The following CLEC4C variants were observed in gnomAD, a reference collection of about 807,000 sequenced individuals.
The protein encoded by CLEC4C is C-type (calcium dependent, carbohydrate-recognition domain) lectin, superfamily member 11.
CLEC4C carries 17 observed loss-of-function variants against 27.7 expected under a neutral mutation model. That is an observed-to-expected ratio of 0.61 (90% CI 0.42 to 0.92). The LOEUF (loss-of-function observed/expected upper bound fraction) is 0.92, where lower values mean the gene tolerates loss of function less well. Among genes scored for constraint, CLEC4C ranks in the 40% least tolerant of loss-of-function variants. The pLI, the probability that CLEC4C is intolerant of heterozygous loss-of-function variation, is 0.00. For synonymous variants in CLEC4C, 80 were observed against 80.8 expected (o/e 0.99, Z 0.06); for missense variants, 244 against 257.3 (o/e 0.95, Z 0.35).
At chr12:7,749,541 T>C (rs1662043478), upstream of CLEC4C, 2 of 149,786 alleles carry the variant, frequency 1.3e-5, no homozygotes, top group Non-Finnish European at 3.0e-5. Context: ...GGTGACAGAG[T>C]GAGATTCTGT....
At chr12:7,737,340 T>TACA in intron 4 of CLEC4C, 89 bp downstream of exon 4, 1 of 903,194 alleles carries the variant, frequency 1.1e-6, no homozygotes, top group Non-Finnish European at 1.5e-6. Flanking sequence ...TTTTTTTTCC[T>TACA]GTCTTTGAAC....
At chr12:7,746,213 C>CAAAAAAAAA (rs932573091) in intron 2 of CLEC4C, 118 bp downstream of exon 2, 16 of 414,876 alleles carry the variant, frequency 3.9e-5, no homozygotes, top group East Asian at 2.3e-4. Flanking sequence ...GATTCCGTCT[C>CAAAAAAAAA]AAAAAAAAAA....
At position 7,735,517 on chromosome 12, in the gene CLEC4C, A is replaced by C. The variant is rs865853231; in HGVS notation, c.381+1912T>G. Among the ~76,000 whole-genome samples the C allele has an allele frequency of 4.5e-3, 673 of 149,852 alleles. 6 individuals are homozygous for C. The highest frequency in any genetic ancestry group is 0.016 in the African/African-American group (636 of 40,800). ...GACTCTGTCTCAAAGAAAAAAAAAA[A>C]AAAAAACGGCCAGGCACGGTGGCTC... On this transcript the variant is annotated intron_variant, in intron 4 of 5. Coordinates refer to ENST00000360345, the MANE Select transcript of CLEC4C (RefSeq NM_001371390.1).
rs767729415 is a variant in CLEC4C, at chr12:7,746,464, C to T, written c.32-41G>A. On this transcript the variant is annotated intron_variant, in intron 1 of 5. Coordinates refer to ENST00000360345, the MANE Select transcript of CLEC4C (RefSeq NM_001371390.1). ...GACAAATGCACAGTCATAATCCCCACTGCCAAAGAGCCAGGAAACCAGAGT... is the reference window on the plus strand; with the variant it reads ...GACAAATGCACAGTCATAATCCCCATTGCCAAAGAGCCAGGAAACCAGAGT... The T allele has an allele frequency of 3.0e-6, 4 of 1,322,986 alleles. No homozygotes were observed. The Admixed American group carries it at 5.4e-5, about 18-fold the overall frequency. The allele number at this position is 1,322,986 out of a possible 1,614,324, so 82.0% of individuals were successfully genotyped here. A position where few individuals can be genotyped will look rare whatever the true frequency, so the allele number is the denominator to read the frequency against.
rs144000690 is a variant in CLEC4C, at chr12:7,735,116, A to G, written c.381+2313T>C. On this transcript the variant is annotated intron_variant, in intron 4 of 5. Transcript: ENST00000360345. ...GTCAGGAGGCTGAGTCAGAAGAATC[A>G]CTTGAACACAGAAGTCAGAGGTTGC... 4.7e-3 allele frequency among the ~76,000 whole-genome samples: 706 copies of G among 151,734 alleles called. 4 individuals carry two copies. The highest frequency in any genetic ancestry group is 0.016 in the African/African-American group (669 of 41,392).
chr12:7,733,770 C>T (rs750632393), intron 4 of CLEC4C, among the ~76,000 whole-genome samples: 7 of 151,882 alleles, frequency 4.6e-5, no homozygotes, highest in East Asian at 1.9e-4. Flanking sequence ...CGTGAGCCAC[C>T]GCACCTGGCC....
chr12:7,739,698 T>TA (rs1352418607), intron 3 of CLEC4C, among the ~76,000 whole-genome samples: 1 of 150,028 alleles, frequency 6.7e-6, no homozygotes, highest in Non-Finnish European at 1.5e-5. Flanking sequence ...ATCTTTTTTT[T>TA]AGACAGGGTC....
chr12:7,733,671 C>T (rs979401631), intron 4 of CLEC4C, among the ~76,000 whole-genome samples: 1 of 150,988 alleles, frequency 6.6e-6, no homozygotes, highest in Non-Finnish European at 1.5e-5. Flanking sequence ...TTAGTAGAGA[C>T]GGGGTTTCAC....
chr12:7,730,366 G>A lies in CLEC4C; in HGVS notation c.497+431C>T, dbSNP rs779383941. ...GTAAAGAAATACATAAATGGCCGGG[G>A]ATGGTGGCTCACACCTGTAATCTCA... On this transcript the variant is annotated intron_variant, in intron 5 of 5. Coordinates refer to ENST00000360345, the MANE Select transcript of CLEC4C (RefSeq NM_001371390.1). Among the ~76,000 whole-genome samples the A allele has an allele frequency of 6.6e-5, 10 of 152,238 alleles. No homozygotes were observed. The South Asian group carries it at 8.3e-4, about 13-fold the overall frequency.
chr12:7,746,069 G>A (rs1387595392), intron 2 of CLEC4C, among the ~76,000 whole-genome samples: 4 of 151,666 alleles, frequency 2.6e-5, no homozygotes, highest in Non-Finnish European at 5.9e-5. Flanking sequence ...CAAAAAATTA[G>A]CCAGGCATGG....
In CLEC4C at chr12:7,731,238, G is replaced by C. The variant is rs138189798; in HGVS notation, c.382-326C>G. ...AGATAGGAAAGCTAAAGGCAGACTGGGGGGATATGCCTGCAGCTGCACAAA... is the reference window on the plus strand; with the variant it reads ...AGATAGGAAAGCTAAAGGCAGACTGCGGGGATATGCCTGCAGCTGCACAAA... On this transcript the variant is annotated intron_variant, in intron 4 of 5. Coordinates refer to ENST00000360345, the MANE Select transcript of CLEC4C (RefSeq NM_001371390.1). 1.4e-3 allele frequency among the ~76,000 whole-genome samples: 212 copies of C among 152,114 alleles called. 1 individual carries two copies. Among genetic ancestry groups the C allele is most frequent in the African/African-American group, 5.0e-3 (207 of 41,518 alleles).
intron 4 of CLEC4C, among the ~76,000 whole-genome samples, chr12:7,736,559 G>C (rs1864730554): frequency 6.6e-6 from 1 of 151,746 alleles, no homozygotes; most frequent in South Asian, 2.1e-4. Flanking sequence ...AAATTCTTCA[G>C]GATCAAATTT....
In CLEC4C at chr12:7,729,708, T is replaced by C. The variant is rs1430773401; in HGVS notation, c.530A>G (p.Asp177Gly). The stretch of plus-strand genomic sequence containing the variant: ...GAAATTTATTATCGCACAACGCTCA[T>C]CAAGGTTATTGGGTTCACCTGAGTG... The part of the protein sequence containing the change: ...FWHSGEPNNL[D>G]ERCAIINFRS... The change falls in exon 6 of 6, where the codon GAT becomes GGT. Residue 177 changes from aspartate (D) to glycine (G), a missense_variant. By Grantham distance (94) the Asp-to-Gly change is moderately conservative. Coordinates refer to ENST00000360345, the MANE Select transcript of CLEC4C (RefSeq NM_001371390.1). The C allele has an allele frequency of 6.2e-7, 1 of 1,613,936 alleles. No homozygotes were observed. Among genetic ancestry groups the C allele is most frequent in the South Asian group, 1.1e-5 (1 of 91,082 alleles).
intron 2 of CLEC4C, among the ~76,000 whole-genome samples, chr12:7,745,424 C>CTTTTTTTTTTT: frequency 2.1e-5 from 1 of 48,180 alleles, no homozygotes; most frequent in Non-Finnish European, 3.4e-5. Context: ...TCAGTCTATG[C>CTTTTTTTTTTT]TTTTTTTTTT....
chr12:7,747,999 C>T (rs1043989998), upstream of CLEC4C, among the ~76,000 whole-genome samples: 1 of 147,012 alleles, frequency 6.8e-6, no homozygotes, highest in Non-Finnish European at 1.5e-5. Context: ...AGTATGAAAA[C>T]GGACTAATAC....
At chr12:7,738,059 C>G (rs755849624) in intron 3 of CLEC4C, among the ~76,000 whole-genome samples, 24 of 152,086 alleles carry the variant, frequency 1.6e-4, no homozygotes, top group Non-Finnish European at 3.1e-4. Context: ...ATATATGAAC[C>G]ATGTCCACAT....
chr12:7,742,466 G>A (rs745568184), intron 2 of CLEC4C, among the ~76,000 whole-genome samples: 60 of 149,552 alleles, frequency 4.0e-4, no homozygotes, highest in African/African-American at 1.3e-3. Flanking sequence ...AGCAGAGACC[G>A]TGCCATTGCA....
intron 3 of CLEC4C, among the ~76,000 whole-genome samples, chr12:7,740,189 G>C (rs1469924431): frequency 1.3e-5 from 2 of 151,342 alleles, no homozygotes; most frequent in African/African-American, 4.9e-5. Context: ...TGTTTCCCAG[G>C]CTGGTTTCAA....
At position 7,733,567 on chromosome 12, in the gene CLEC4C, C is replaced by T. The variant is rs774049958; in HGVS notation, c.382-2655G>A. On this transcript the variant is annotated intron_variant, in intron 4 of 5. Coordinates refer to ENST00000360345, the MANE Select transcript of CLEC4C (RefSeq NM_001371390.1). ...CGAGATCTTGGCTCACTGCAAGCTC[C>T]GCCTCCTGGGTTCACGCCATTCTCC... Among the ~76,000 whole-genome samples the T allele has an allele frequency of 2.4e-3, 358 of 147,110 alleles. 7 individuals carry two copies. Among genetic ancestry groups the T allele is most frequent in the African/African-American group, 8.7e-3 (347 of 39,790 alleles).
Sources: gnomAD v4.1 joint callset for allele counts (sites outside exome capture counted in the v4.1 genomes callset) on GRCh38, gnomAD v4.1.1 for gene constraint, MANE v1.5 for transcripts, NCBI Gene and HGNC (gene_info 2026-07-23, HGNC 2026-07-21) for gene names.